PTPRD: variants seen among roughly 807,000 people sequenced by gnomAD.
PTPRD encodes receptor-type tyrosine-protein phosphatase delta.
Under a neutral mutation model 214.5 loss-of-function variants are expected in PTPRD, and 34 were observed. The ratio of observed to expected loss-of-function variants is 0.16; its 90% confidence interval spans 0.12 to 0.21. PTPRD has a LOEUF of 0.21. Among genes scored for constraint, PTPRD ranks in the 10% least tolerant of loss-of-function variants. The pLI is 1.00. For synonymous variants in PTPRD, 1,128 were observed against 845.7 expected (o/e 1.33, Z -5.79); for missense variants, 2,545 against 2,398.7 (o/e 1.06, Z -1.27).
chr9:10,015,732 G>C (rs1458808395), intron 4 of PTPRD, among the ~76,000 whole-genome samples: 1 of 152,060 alleles, frequency 6.6e-6, no homozygotes, highest in Non-Finnish European at 1.5e-5. Flanking sequence ...AAAGAGGTGG[G>C]GGAACCACAA....
intron 7 of PTPRD, among the ~76,000 whole-genome samples, chr9:9,609,733 G>C (rs943365565): frequency 6.6e-6 from 1 of 152,106 alleles, no homozygotes; most frequent in Admixed American, 6.5e-5. Context: ...AAAGCGCTGG[G>C]ATCACAGGTG....
At chr9:9,304,170 C>A (rs1031275539) in intron 9 of PTPRD, among the ~76,000 whole-genome samples, 13 of 151,992 alleles carry the variant, frequency 8.6e-5, no homozygotes, top group African/African-American at 2.7e-4. Context: ...AAAAGAAGTT[C>A]CCTCAACAAT....
chr9:10,224,495 G>C (rs796527766), intron 3 of PTPRD, among the ~76,000 whole-genome samples: 1 of 151,790 alleles, frequency 6.6e-6, no homozygotes, highest in South Asian at 2.1e-4. Flanking sequence ...TTACAGTAGT[G>C]CTTATTTAAA....
At chr9:10,195,170 G>C (rs1244296638) in intron 3 of PTPRD, among the ~76,000 whole-genome samples, 2 of 129,566 alleles carry the variant, frequency 1.5e-5, no homozygotes, top group Non-Finnish European at 3.1e-5. Context: ...GGCTGGTCTT[G>C]ACCTTTCAAC....
At chr9:9,707,670 C>A (rs933965603) in intron 7 of PTPRD, among the ~76,000 whole-genome samples, 1 of 152,058 alleles carries the variant, frequency 6.6e-6, no homozygotes, top group Non-Finnish European at 1.5e-5. Flanking sequence ...AAGCTTTTTC[C>A]TTTAAAATAC....
chr9:8,354,405 AC>A (rs1276911187), intron 39 of PTPRD, among the ~76,000 whole-genome samples: 1 of 152,208 alleles, frequency 6.6e-6, no homozygotes, highest in East Asian at 1.9e-4. Flanking sequence ...TCATGAAATA[AC>A]ACCAATACGA....
chr9:8,942,128 C>T (rs780866295), intron 11 of PTPRD, among the ~76,000 whole-genome samples: 7 of 152,144 alleles, frequency 4.6e-5, no homozygotes, highest in Non-Finnish European at 1.0e-4. Context: ...CTTAATGCAA[C>T]CTGCTAGCAT....
At chr9:9,690,446 GTTGA>G (rs2097250289) in intron 7 of PTPRD, among the ~76,000 whole-genome samples, 1 of 151,860 alleles carries the variant, frequency 6.6e-6, no homozygotes, top group African/African-American at 2.4e-5. Context: ...TCTTCACTTT[GTTGA>G]TTGTTACCTT....
chr9:9,429,379 T>A (rs546673347), intron 8 of PTPRD, among the ~76,000 whole-genome samples: 2 of 152,088 alleles, frequency 1.3e-5, no homozygotes, highest in African/African-American at 4.8e-5. Flanking sequence ...AATAGACCAA[T>A]AGCAGGCTCT....
At chr9:9,925,520 A>T (rs2083964703) in intron 5 of PTPRD, among the ~76,000 whole-genome samples, 1 of 152,050 alleles carries the variant, frequency 6.6e-6, no homozygotes, top group Non-Finnish European at 1.5e-5. Flanking sequence ...TTCACTTCAC[A>T]TTAGTTTTTT....
At chr9:10,213,779 A>T (rs1007157632) in intron 3 of PTPRD, among the ~76,000 whole-genome samples, 1 of 152,136 alleles carries the variant, frequency 6.6e-6, no homozygotes, top group Non-Finnish European at 1.5e-5. Flanking sequence ...TTACCAAAAT[A>T]CAAGGGTGTA....
chr9:10,532,188 A>C (rs1023878376), intron 2 of PTPRD: 1 of 152,082 alleles, frequency 6.6e-6, no homozygotes, highest in Non-Finnish European at 1.5e-5. Context: ...AACTATGATA[A>C]ATTTATGTAT....
At chr9:10,577,730 T>C (rs2069955938) in intron 2 of PTPRD, among the ~76,000 whole-genome samples, 2 of 152,146 alleles carry the variant, frequency 1.3e-5, no homozygotes, top group Non-Finnish European at 2.9e-5. Context: ...AAAATCAACA[T>C]AGAACTTAAG....
At chr9:9,454,759 G>C (rs2092746018) in intron 8 of PTPRD, among the ~76,000 whole-genome samples, 2 of 151,200 alleles carry the variant, frequency 1.3e-5, no homozygotes, top group East Asian at 3.9e-4. Flanking sequence ...CAAACATTTA[G>C]CACCGACTAT....
Position 9,376,674 on chromosome 9 carries a change from A to G in PTPRD, c.-203+20775T>C, listed in dbSNP as rs139855796. Among the ~76,000 whole-genome samples the G allele has an allele frequency of 3.0e-3, 452 of 152,282 alleles. 2 individuals carry two copies. Among genetic ancestry groups the G allele is most frequent in the African/African-American group, 0.01 (424 of 41,552 alleles). The stretch of plus-strand genomic sequence containing the variant: ...AATGAATCCAGTCTTAAAAGGAAAA[A>G]AACATTAATAGAGTCATGTTCAAAA... On this transcript the variant is annotated intron_variant, in intron 9 of 45. Coordinates refer to ENST00000381196, the MANE Select transcript of PTPRD (RefSeq NM_002839.4).
chr9:10,150,920 G>T (rs189785994), intron 3 of PTPRD, among the ~76,000 whole-genome samples: 47 of 152,016 alleles, frequency 3.1e-4, no homozygotes, highest in Non-Finnish European at 4.6e-4. Context: ...ATTTGCTTTT[G>T]AACACAGGAA....
At chr9:9,244,222 T>C (rs1229697457) in intron 9 of PTPRD, among the ~76,000 whole-genome samples, 2 of 152,120 alleles carry the variant, frequency 1.3e-5, no homozygotes, top group Admixed American at 1.3e-4. Flanking sequence ...CAAGGTAATT[T>C]ATAGATTCAA....
chr9:9,139,571 C>T (rs909791757), intron 10 of PTPRD, among the ~76,000 whole-genome samples: 17 of 152,030 alleles, frequency 1.1e-4, no homozygotes, highest in Non-Finnish European at 2.1e-4. Flanking sequence ...TACTAAGTGA[C>T]TCAGGAATGG....
rs561966433 is a variant in PTPRD at position 10,050,293 on chromosome 9, G to A, written c.-544-16503C>T. 3.9e-5 allele frequency among the ~76,000 whole-genome samples: 6 copies of A among 151,938 alleles called. No homozygotes were observed. The East Asian group carries it at 9.7e-4, about 25-fold the overall frequency. ...AATTATGACTCGGCCGGGCTCGGTG[G>A]CTCACCCTGTAATCCTAGCACTTTG... On this transcript the variant is annotated intron_variant, in intron 3 of 45. Transcript: ENST00000381196.
Sources: gnomAD v4.1 joint callset for allele counts (sites outside exome capture counted in the v4.1 genomes callset) on GRCh38, gnomAD v4.1.1 for gene constraint, MANE v1.5 for transcripts, NCBI Gene and HGNC (gene_info 2026-07-23, HGNC 2026-07-21) for gene names.